The following SGCZ variants were observed in gnomAD, a reference collection of about 807,000 sequenced individuals.
The protein encoded by SGCZ is zeta-sarcoglycan.
A neutral mutation model predicts 41.3 loss-of-function variants in SGCZ; 40 were observed. That is an observed-to-expected ratio of 0.97 (90% confidence interval 0.75 to 1.26). The LOEUF (loss-of-function observed/expected upper bound fraction) is 1.26. SGCZ is among the 50% of genes most tolerant of loss of function. SGCZ has a pLI of 0.00. For synonymous variants in SGCZ, 206 were observed against 137.5 expected, an observed-to-expected ratio of 1.50 and a Z score of -3.49; for missense variants, 552 against 369.8, an observed-to-expected ratio of 1.49 and a Z score of -4.04.
chr8:14,871,554 C>T (rs959919275), intron 1 of SGCZ, among the ~76,000 whole-genome samples: 1 of 151,944 alleles, frequency 6.6e-6, no homozygotes, highest in African/African-American at 2.4e-5. Context: ...ACCTGTAATC[C>T]CAGCATTTTG....
At chr8:14,878,820 T>C (rs1804465986) in intron 1 of SGCZ, among the ~76,000 whole-genome samples, 1 of 152,192 alleles carries the variant, frequency 6.6e-6, no homozygotes, top group Non-Finnish European at 1.5e-5. Context: ...TGATTTCTAC[T>C]TCAGTAAAAG....
intron 1 of SGCZ, among the ~76,000 whole-genome samples, chr8:14,657,046 T>C (rs1163115041): frequency 6.6e-6 from 1 of 152,104 alleles, no homozygotes; most frequent in East Asian, 1.9e-4. Flanking sequence ...GGGGATATTA[T>C]TTAGGAAACT....
intron 1 of SGCZ, among the ~76,000 whole-genome samples, chr8:14,892,073 C>G (rs1051961876): frequency 3.4e-4 from 52 of 152,276 alleles, no homozygotes; most frequent in African/African-American, 1.2e-3. Context: ...TGGAATATAT[C>G]TAAGATATGC....
intron 1 of SGCZ, among the ~76,000 whole-genome samples, chr8:14,700,359 G>T (rs993218936): frequency 3.9e-5 from 6 of 151,902 alleles, no homozygotes; most frequent in Non-Finnish European, 2.9e-5. Context: ...TGATGCAGGA[G>T]CAGAAAATAA....
chr8:14,682,282 A>C lies in SGCZ; in HGVS notation c.40-127356T>G, dbSNP rs186495102. ...TAGAAAATATTTCATTTTTGAATAT[A>C]AGATTATACTTTGAGTATGAAAAGC... On this transcript the variant is annotated intron_variant, in intron 1 of 7. Transcript: ENST00000382080. 3.3e-5 allele frequency among the ~76,000 whole-genome samples: 5 copies of C among 152,348 alleles called. No individual in the cohort carries two copies. The South Asian group carries it at 6.2e-4, about 19-fold the overall frequency.
chr8:14,727,624 C>A (rs1810098831), intron 1 of SGCZ, among the ~76,000 whole-genome samples: 1 of 151,710 alleles, frequency 6.6e-6, no homozygotes, highest in African/African-American at 2.4e-5. Context: ...CATTCTCCTG[C>A]CTGAGCCTCC....
chr8:14,586,446 C>A (rs895517840), intron 1 of SGCZ, among the ~76,000 whole-genome samples: 65 of 152,246 alleles, frequency 4.3e-4, no homozygotes, highest in African/African-American at 1.5e-3. Context: ...CTCTTGGGCT[C>A]AAGCAATCTG....
chr8:14,176,059 A>T (rs1235059296), intron 4 of SGCZ, among the ~76,000 whole-genome samples: 1 of 152,168 alleles, frequency 6.6e-6, no homozygotes, highest in African/African-American at 2.4e-5. Context: ...GCAACATTGG[A>T]CCAAAGAACA....
At chr8:14,867,599 C>A (rs543232936) in intron 1 of SGCZ, among the ~76,000 whole-genome samples, 7 of 152,114 alleles carry the variant, frequency 4.6e-5, no homozygotes, top group Non-Finnish European at 8.8e-5. Flanking sequence ...TTCTCCACAA[C>A]CTCGCCAGCA....
intron 1 of SGCZ, among the ~76,000 whole-genome samples, chr8:14,674,631 T>C (rs1467919350): frequency 6.6e-6 from 1 of 152,174 alleles, no homozygotes; most frequent in Non-Finnish European, 1.5e-5. Flanking sequence ...TAATCCACAA[T>C]GTTTGACGTG....
chr8:14,857,522 G>A (rs917356011), intron 1 of SGCZ, among the ~76,000 whole-genome samples: 2 of 152,056 alleles, frequency 1.3e-5, no homozygotes, highest in South Asian at 2.1e-4. Context: ...AGTTCACAGG[G>A]CGTTAAGCTT....
At chr8:14,484,513 T>G (rs1801620483) in intron 2 of SGCZ, among the ~76,000 whole-genome samples, 1 of 152,188 alleles carries the variant, frequency 6.6e-6, no homozygotes, top group Non-Finnish European at 1.5e-5. Context: ...TGGTTAGCAG[T>G]TTCCCGGTTT....
intron 1 of SGCZ, among the ~76,000 whole-genome samples, chr8:15,062,765 T>C (rs17574564): frequency 0.048 from 7,249 of 152,272 alleles, 176 homozygotes; most frequent in Non-Finnish European, 0.057. Context: ...ATTATCAAGA[T>C]GGATTTGTTA....
intron 1 of SGCZ, among the ~76,000 whole-genome samples, chr8:14,561,717 C>G (rs1426144342): frequency 6.6e-6 from 1 of 152,046 alleles, no homozygotes; most frequent in African/African-American, 2.4e-5. Context: ...ACTTTAAATG[C>G]ATTTACTTGG....
rs557147211 is a variant in SGCZ at position 14,448,301 on chromosome 8, G to A, written c.234+106431C>T. Among the ~76,000 whole-genome samples the A allele has an allele frequency of 2.0e-5, 3 of 152,270 alleles. 1 individual carries two copies. The South Asian group carries it at 6.2e-4, about 32-fold the overall frequency. ...TATTAAGAAATCATCAAAACGAACTGCATGGCAGAAACTTTTCTGATATCA... is the reference window on the plus strand; with the variant it reads ...TATTAAGAAATCATCAAAACGAACTACATGGCAGAAACTTTTCTGATATCA... On this transcript the variant is annotated intron_variant, in intron 2 of 7. Coordinates refer to ENST00000382080, the MANE Select transcript of SGCZ (RefSeq NM_139167.4).
intron 2 of SGCZ, among the ~76,000 whole-genome samples, chr8:14,396,803 C>T (rs188472228): frequency 1.3e-5 from 2 of 151,982 alleles, no homozygotes; most frequent in Non-Finnish European, 2.9e-5. Flanking sequence ...TGTCATTTCT[C>T]CTATGCCCAG....
At chr8:14,827,239 T>TTC (rs1471910456) in intron 1 of SGCZ, among the ~76,000 whole-genome samples, 3 of 146,282 alleles carry the variant, frequency 2.1e-5, no homozygotes, top group Non-Finnish European at 4.5e-5. Context: ...TTCTTTTCTT[T>TTC]TTTTTTTTTT....
At chr8:14,596,909 A>G (rs80024158) in intron 1 of SGCZ, among the ~76,000 whole-genome samples, 4,432 of 152,236 alleles carry the variant, frequency 0.029, 211 homozygotes, top group African/African-American at 0.099. Context: ...AAAATAAATA[A>G]CTGAAAACAA....
intron 2 of SGCZ, among the ~76,000 whole-genome samples, chr8:14,325,093 C>G (rs1187085678): frequency 6.6e-6 from 1 of 152,100 alleles, no homozygotes; most frequent in African/African-American, 2.4e-5. Flanking sequence ...GTACTTAAGT[C>G]AGATTCCAAA....
Sources: allele counts gnomAD v4.1 joint callset (sites outside exome capture counted in the v4.1 genomes callset), GRCh38; gene constraint gnomAD v4.1.1; transcripts MANE v1.5; gene names NCBI Gene and HGNC (gene_info 2026-07-23, HGNC 2026-07-21).